ISM1: variants seen among roughly 807,000 people sequenced by gnomAD.
ISM1 encodes the protein isthmin-1.
ISM1 carries 25 observed loss-of-function variants against 46.3 expected under a neutral mutation model. The observed-to-expected ratio is 0.54, with a 90% CI of 0.39 to 0.75. ISM1 has a LOEUF of 0.75. Ranked by LOEUF, ISM1 falls within the 30% of genes least tolerant of loss-of-function variation. The pLI is 0.00. For synonymous variants in ISM1, 255 were observed against 256.7 expected, an observed-to-expected ratio of 0.99 and a Z score of 0.06; for missense variants, 536 against 625.4, an observed-to-expected ratio of 0.86 and a Z score of 1.52.
rs1402294710 is a variant in ISM1, at chr20:13,299,949, G to C, written c.*490G>C. ...GAGATCAGAAAGAAAGAGACTTAGG[G>C]AAGTGGAAGAGAAAGGGAATTTTGG... On this transcript the variant is annotated 3_prime_UTR_variant, in exon 6 of 6. Coordinates refer to ENST00000262487, the MANE Select transcript of ISM1 (RefSeq NM_080826.2). This position sits in a 1 kb window ranked among gnomAD's most constrained non-coding sequence, Gnocchi z 5.8. 6.5e-6 allele frequency: 1 copy of C among 152,736 alleles called. No homozygotes were observed. Among genetic ancestry groups the C allele is most frequent in the Non-Finnish European group, 1.5e-5 (1 of 68,442 alleles). 9.5% of individuals were successfully genotyped at this position (152,736 alleles called of 1,614,324 possible).
intron 4 of ISM1, among the ~76,000 whole-genome samples, chr20:13,291,088 A>C (rs1426102073): frequency 6.6e-6 from 1 of 152,192 alleles, no homozygotes; most frequent in Non-Finnish European, 1.5e-5. Flanking sequence ...TCCAGACTCA[A>C]GGTGGTAGAT....
chr20:13,314,768 AGT>A, the ISM1 span, among the ~76,000 whole-genome samples: 3 of 151,996 alleles, frequency 2.0e-5, no homozygotes, highest in East Asian at 3.8e-4. Flanking sequence ...AACAGATAAC[AGT>A]GTGTTCAAAA....
intron 4 of ISM1, among the ~76,000 whole-genome samples, chr20:13,292,143 T>C (rs1600562531): frequency 1.3e-5 from 2 of 152,230 alleles, no homozygotes; most frequent in Non-Finnish European, 2.9e-5. Context: ...CTAGGACTTA[T>C]TCAGGCACAT....
intron 1 of ISM1, among the ~76,000 whole-genome samples, chr20:13,257,874 A>C (rs2039945089): frequency 6.6e-6 from 1 of 152,132 alleles, no homozygotes; most frequent in Admixed American, 6.5e-5. Flanking sequence ...CAGGGAATTC[A>C]AAGTGGCTGC....
chr20:13,277,660 T>C (rs1430114481), intron 2 of ISM1, among the ~76,000 whole-genome samples: 4 of 150,964 alleles, frequency 2.6e-5, no homozygotes, highest in African/African-American at 4.9e-5. Flanking sequence ...TTTTTTTTAC[T>C]TTTGGGATTA....
At chr20:13,223,111 C>A (rs1000994212) in intron 1 of ISM1, among the ~76,000 whole-genome samples, 7 of 151,232 alleles carry the variant, frequency 4.6e-5, no homozygotes, top group Non-Finnish European at 1.0e-4. Context: ...GAGCTGAGAT[C>A]GCGCCACTGC....
the ISM1 span, among the ~76,000 whole-genome samples, chr20:13,314,039 T>C: frequency 4.6e-5 from 7 of 151,832 alleles, no homozygotes; most frequent in South Asian, 1.5e-3. Flanking sequence ...GAAGAAAGAA[T>C]CTCTGAACTT....
intron 1 of ISM1, among the ~76,000 whole-genome samples, chr20:13,243,541 G>A (rs2039755462): frequency 6.6e-6 from 1 of 152,082 alleles, no homozygotes; most frequent in Admixed American, 6.5e-5. Flanking sequence ...TTAGCTGTTT[G>A]TCTTATTCCT....
At chr20:13,252,579 C>T (rs1443087262) in intron 1 of ISM1, among the ~76,000 whole-genome samples, 2 of 151,996 alleles carry the variant, frequency 1.3e-5, no homozygotes, top group African/African-American at 2.4e-5. Flanking sequence ...GGTGAAACCC[C>T]GTCTCTACTA....
chr20:13,254,438 T>C (rs1296238106), intron 1 of ISM1, among the ~76,000 whole-genome samples: 2 of 151,788 alleles, frequency 1.3e-5, no homozygotes, highest in African/African-American at 4.9e-5. Context: ...CAGAATTGAA[T>C]TCAAGAGAGC....
intron 1 of ISM1, among the ~76,000 whole-genome samples, chr20:13,249,209 T>G (rs2039837843): frequency 1.3e-5 from 2 of 152,210 alleles, no homozygotes; most frequent in Non-Finnish European, 1.5e-5. Context: ...CCTAATGATC[T>G]TCTGTTCTCC....
intron 1 of ISM1, among the ~76,000 whole-genome samples, chr20:13,257,226 G>C (rs957942740): frequency 6.6e-6 from 1 of 152,180 alleles, no homozygotes; most frequent in African/African-American, 2.4e-5. Flanking sequence ...TTCTTTAAGA[G>C]AGTATCGGCC....
chr20:13,279,472 T>A (rs1389952978), intron 2 of ISM1, among the ~76,000 whole-genome samples, 162 bp from the exon 3 acceptor site: 3 of 152,196 alleles, frequency 2.0e-5, no homozygotes, highest in African/African-American at 7.2e-5. Flanking sequence ...TTGTGGACCA[T>A]CCCTGGAGGT....
chr20:13,279,981 T>C, intron 3 of ISM1, 83 bp downstream of exon 3: 1 of 1,334,982 alleles, frequency 7.5e-7, no homozygotes, highest in East Asian at 2.5e-5. Flanking sequence ...AGCAAAACCC[T>C]GCTTAGAGCA....
At chr20:13,311,674 T>C in the ISM1 span, among the ~76,000 whole-genome samples, 1 of 152,192 alleles carries the variant, frequency 6.6e-6, no homozygotes, top group South Asian at 2.1e-4. Flanking sequence ...TTTAGTGATA[T>C]AAGTCAGGCA....
chr20:13,221,738 G>A lies in ISM1; in HGVS notation c.-39G>A, dbSNP rs1439393010. 1 of 1,352,260 alleles carries A rather than the reference G, an allele frequency of 7.4e-7. No individual in the cohort carries two copies. Among genetic ancestry groups the A allele is most frequent in the Non-Finnish European group, 9.5e-7 (1 of 1,055,738 alleles). The allele number at this position is 1,352,260 out of a possible 1,614,324, so 83.8% of individuals were successfully genotyped here. A position where few individuals can be genotyped will look rare whatever the true frequency, so the allele number is the denominator to read the frequency against. On this transcript the variant is annotated 5_prime_UTR_variant, in exon 1 of 6. Transcript: ENST00000262487. ...CCCGGCGTCACCGCCGCCGCCGCCG[G>A]CCGCCGCGCCGGGTCCTAAAGCCGC...
chr20:13,279,883 G>C lies in ISM1; in HGVS notation c.628G>C (p.Asp210His). 1 of 1,613,934 alleles carries C rather than the reference G, an allele frequency of 6.2e-7. No individual in the cohort carries two copies. The highest frequency in any genetic ancestry group is 8.5e-7 in the Non-Finnish European group (1 of 1,179,858). The change falls in exon 3 of 6, where the codon GAT (aspartate) becomes CAT (histidine). Residue 210 changes from aspartate to histidine, a missense_variant. By Grantham distance (81) the Asp-to-His change is moderately conservative. Coordinates refer to ENST00000262487, the MANE Select transcript of ISM1 (RefSeq NM_080826.2). Reference protein sequence around the residue: ...APGHRTFETKDQPEYDSTDGE... With the variant: ...APGHRTFETKHQPEYDSTDGE... The stretch of plus-strand genomic sequence containing the variant: ...AGGCCACCGGACTTTTGAAACCAAA[G>C]ATCAGCCAGAATATGGTGAGTTTAC...
chr20:13,225,033 T>G (rs1004888428), intron 1 of ISM1, among the ~76,000 whole-genome samples: 2 of 151,072 alleles, frequency 1.3e-5, no homozygotes, highest in African/African-American at 4.9e-5. Flanking sequence ...TTTTGTATTT[T>G]TAGTAGAGAC....
At chr20:13,247,556 G>A (rs992533095) in intron 1 of ISM1, among the ~76,000 whole-genome samples, 2 of 148,782 alleles carry the variant, frequency 1.3e-5, no homozygotes, top group East Asian at 4.0e-4. Flanking sequence ...GTGTGTGTGT[G>A]TGTAGGTAGG....
Sources: allele counts gnomAD v4.1 joint callset (sites outside exome capture counted in the v4.1 genomes callset), GRCh38; gene constraint gnomAD v4.1.1; non-coding constraint Gnocchi (gnomAD v3.1); transcripts MANE v1.5; gene names NCBI Gene and HGNC (gene_info 2026-07-23, HGNC 2026-07-21).